Variants in SEMA5A observed in about 807,000 individuals in gnomAD.
SEMA5A encodes the protein semaphorin-5A.
SEMA5A carries 55 observed loss-of-function variants against 135.5 expected under a neutral mutation model. The ratio of observed to expected loss-of-function variants is 0.41; its 90% CI spans 0.33 to 0.51. The LOEUF is 0.51. SEMA5A is among the 20% of genes least tolerant of loss of function. SEMA5A has a pLI of 0.37. For missense variants in SEMA5A, 1,290 were observed against 1,419.9 expected (o/e 0.91, Z 1.47); for synonymous variants, 580 against 546.5 (o/e 1.06, Z -0.85).
In SEMA5A at chr5:9,267,595, G is replaced by A. The variant is rs143815697; in HGVS notation, c.271-29705C>T. 6.0e-3 allele frequency among the ~76,000 whole-genome samples: 915 copies of A among 152,240 alleles called. 4 individuals carry two copies. Among genetic ancestry groups the A allele is most frequent in the Non-Finnish European group, 9.5e-3 (643 of 68,020 alleles). On this transcript the variant is annotated intron_variant, in intron 5 of 22. Transcript: ENST00000382496. ...TCTAGACCAGTGTTTCTGAAAGAGAGTATTCCTTCTCTCATTTCTCAGATA... is the reference window on the plus strand; with the variant it reads ...TCTAGACCAGTGTTTCTGAAAGAGAATATTCCTTCTCTCATTTCTCAGATA...
intron 22 of SEMA5A, chr5:9,043,382 C>A (rs750453305): frequency 5.2e-6 from 1 of 191,816 alleles, no homozygotes; most frequent in Admixed American, 5.6e-5. Context: ...AATTCGTATT[C>A]ATATAACTGA....
At chr5:9,325,234 T>C (rs902074147) in intron 4 of SEMA5A, among the ~76,000 whole-genome samples, 1 of 137,594 alleles carries the variant, frequency 7.3e-6, no homozygotes, top group African/African-American at 3.3e-5. Flanking sequence ...GTGGTATGGA[T>C]CTACTTTTTT....
intron 10 of SEMA5A, among the ~76,000 whole-genome samples, chr5:9,196,198 G>A (rs1389991249): frequency 1.3e-5 from 2 of 152,248 alleles, no homozygotes; most frequent in African/African-American, 2.4e-5. Context: ...TGGACCCAAT[G>A]TCTGTAAGCC....
chr5:9,360,686 T>C (rs1449354632), intron 3 of SEMA5A, among the ~76,000 whole-genome samples: 1 of 152,196 alleles, frequency 6.6e-6, no homozygotes, highest in Non-Finnish European at 1.5e-5. Flanking sequence ...AGCAACACAG[T>C]GGGTATTTTA....
At chr5:9,341,201 C>T (rs1283041192) in intron 3 of SEMA5A, among the ~76,000 whole-genome samples, 1 of 146,844 alleles carries the variant, frequency 6.8e-6, no homozygotes, top group Non-Finnish European at 1.5e-5. Flanking sequence ...CACACACACA[C>T]ACATACACAC....
intron 5 of SEMA5A, among the ~76,000 whole-genome samples, chr5:9,279,732 C>A (rs1479439951): frequency 2.0e-5 from 3 of 152,008 alleles, no homozygotes; most frequent in Non-Finnish European, 4.4e-5. Context: ...TGGCACTTCC[C>A]CCTTGACTCT....
intron 11 of SEMA5A, among the ~76,000 whole-genome samples, chr5:9,158,349 T>C (rs1806096): frequency 0.13 from 19,981 of 151,874 alleles, 2,602 homozygotes; most frequent in African/African-American, 0.33. Flanking sequence ...TCCAAGAAAA[T>C]ATTAACTCCG....
rs1195099605 is a variant in SEMA5A at position 9,035,188 on chromosome 5, G to A, written c.*7709C>T. ...CCCCCCACAAATGGCAGCTAGAGAT[G>A]GTAAGAAGGGGGTTGGTAGGAAAGT... On this transcript the variant is annotated 3_prime_UTR_variant, in exon 23 of 23. Coordinates refer to ENST00000382496, the MANE Select transcript of SEMA5A (RefSeq NM_003966.3). 6.6e-5 allele frequency: 10 copies of A among 152,262 alleles called. No individual in the cohort carries two copies. Among genetic ancestry groups the A allele is most frequent in the African/African-American group, 2.4e-4 (10 of 41,418 alleles). The allele number at this position is 152,262 out of a possible 1,614,324, so 9.4% of individuals were successfully genotyped here. A position where few individuals can be genotyped will look rare whatever the true frequency, so the allele number is the denominator to read the frequency against.
intron 1 of SEMA5A, among the ~76,000 whole-genome samples, chr5:9,489,442 G>A (rs1185031246): frequency 1.3e-5 from 2 of 152,140 alleles, no homozygotes; most frequent in Admixed American, 1.3e-4. Context: ...GGCTAGAAAT[G>A]TAAGGTGGGA....
At chr5:9,367,261 T>A (rs544361647) in intron 3 of SEMA5A, 88 of 152,358 alleles carry the variant, frequency 5.8e-4, no homozygotes, top group African/African-American at 2.1e-3. Context: ...ATACAGAATA[T>A]GAGCATTTCT....
At chr5:9,512,848 T>C (rs1160090866) in intron 1 of SEMA5A, among the ~76,000 whole-genome samples, 3 of 152,072 alleles carry the variant, frequency 2.0e-5, no homozygotes, top group Non-Finnish European at 2.9e-5. Flanking sequence ...GAAAGTCACA[T>C]AAACGTGACC....
intron 1 of SEMA5A, among the ~76,000 whole-genome samples, chr5:9,477,007 CA>C (rs1052741586): frequency 2.5e-4 from 38 of 151,964 alleles, no homozygotes; most frequent in African/African-American, 8.9e-4. Flanking sequence ...CCCCATATAT[CA>C]AGGGAGGGAG....
chr5:9,066,716 CT>C, intron 16 of SEMA5A, 70 bp from the exon 17 acceptor site: 1 of 1,380,628 alleles, frequency 7.2e-7, no homozygotes, highest in Non-Finnish European at 1.0e-6. Flanking sequence ...GGCTCCTTTC[CT>C]TTAGGGAAAG....
chr5:9,397,401 G>A (rs1228308113), intron 2 of SEMA5A, among the ~76,000 whole-genome samples: 1 of 152,136 alleles, frequency 6.6e-6, no homozygotes. Flanking sequence ...CTTCAAGTGG[G>A]GATAATACTA....
At chr5:9,533,295 C>A (rs1049809984) in intron 1 of SEMA5A, among the ~76,000 whole-genome samples, 1 of 152,126 alleles carries the variant, frequency 6.6e-6, no homozygotes, top group African/African-American at 2.4e-5. Context: ...CTCCTAGTTA[C>A]AACATTGGCT....
intron 12 of SEMA5A, among the ~76,000 whole-genome samples, chr5:9,150,906 G>A (rs1742599874): frequency 6.6e-6 from 1 of 152,180 alleles, no homozygotes; most frequent in Admixed American, 6.5e-5. Flanking sequence ...CAATCCAGCA[G>A]CTCCTTCAGC....
At chr5:9,114,479 G>A (rs1324686021) in intron 15 of SEMA5A, among the ~76,000 whole-genome samples, 1 of 152,138 alleles carries the variant, frequency 6.6e-6, no homozygotes, top group Non-Finnish European at 1.5e-5. Context: ...GTGTGTGTGT[G>A]TAAAAGCACA....
chr5:9,205,828 C>T (rs182066183), intron 8 of SEMA5A, among the ~76,000 whole-genome samples: 2 of 152,152 alleles, frequency 1.3e-5, no homozygotes, highest in Non-Finnish European at 2.9e-5. Context: ...AGGGTGGACC[C>T]CTGACTGTGT....
At chr5:9,086,902 CT>C (rs1738726550) in intron 16 of SEMA5A, among the ~76,000 whole-genome samples, 1 of 152,000 alleles carries the variant, frequency 6.6e-6, no homozygotes, top group South Asian at 2.1e-4. Context: ...ATTTTATTTT[CT>C]TTTTTGCTAC....
Sources: allele counts gnomAD v4.1 joint callset (sites outside exome capture counted in the v4.1 genomes callset), GRCh38; gene constraint gnomAD v4.1.1; transcripts MANE v1.5; gene names NCBI Gene and HGNC (gene_info 2026-07-23, HGNC 2026-07-21).